Variants in INPPL1 observed in about 807,000 individuals in gnomAD.
INPPL1 encodes the protein inositol polyphosphate phosphatase like 1.
Under a neutral mutation model 139.3 loss-of-function variants are expected in INPPL1, and 91 were observed. That is an observed-to-expected ratio of 0.65 (90% CI 0.55 to 0.78). The LOEUF (loss-of-function observed/expected upper bound fraction) is 0.78, where lower values mean the gene tolerates loss of function less well. Ranked by LOEUF, INPPL1 falls within the 30% of genes least tolerant of loss-of-function variation. The pLI is 0.00. For missense variants in INPPL1, 1,411 were observed against 1,665.6 expected, an observed-to-expected ratio of 0.85 and a Z score of 2.66; for synonymous variants, 719 against 686.6, an observed-to-expected ratio of 1.05 and a Z score of -0.74.
Position 72,237,689 on chromosome 11 carries a change from C to T in INPPL1, c.3445C>T (p.Pro1149Ser), listed in dbSNP as rs1459747617. The T allele has an allele frequency of 6.2e-7, 1 of 1,612,036 alleles. No individual in the cohort carries two copies. Among genetic ancestry groups the T allele is most frequent in the Non-Finnish European group, 8.5e-7 (1 of 1,179,576 alleles). Residue 1149 changes from proline to serine, a missense_variant, in exon 26 of 28, where the codon CCC becomes TCC. Physicochemically the swap from Pro to Ser is moderately conservative, Grantham distance 74 (BLOSUM62 -1). This residue lies in a region of INPPL1 where 438 missense variants were observed against 425.7 expected (regional missense o/e 1.03). Coordinates refer to ENST00000298229, the MANE Select transcript of INPPL1 (RefSeq NM_001567.4). ...TGCACGCTCAGCGCTCCTCCCAGGCCCCCTGGAGCTGCAGCCCCCCCGGGG... is the reference window on the plus strand; with the variant it reads ...TGCACGCTCAGCGCTCCTCCCAGGCTCCCTGGAGCTGCAGCCCCCCCGGGG... ...GPARSALLPG[P>S]LELQPPRGLP...
chr11:72,229,340 C>T, intron 5 of INPPL1, 110 bp downstream of exon 5: 1 of 1,409,504 alleles, frequency 7.1e-7, no homozygotes, highest in Non-Finnish European at 9.9e-7. Flanking sequence ...GTGAACTAGC[C>T]ATTGCCTCTT....
intron 15 of INPPL1, 38 bp from the exon 16 acceptor site, chr11:72,232,837 C>T (rs778975324): frequency 7.3e-5 from 118 of 1,613,438 alleles, no homozygotes; most frequent in Middle Eastern, 1.6e-4. Context: ...GCTCTGGCTC[C>T]GGAGGAATGT....
intron 1 of INPPL1, among the ~76,000 whole-genome samples, chr11:72,226,108 ACCTT>A: frequency 6.7e-6 from 1 of 149,684 alleles, no homozygotes; most frequent in East Asian, 2.0e-4. Context: ...GTCCCACTGT[ACCTT>A]CCTTACCCCT....
chr11:72,225,230 G>A, intron 1 of INPPL1, 64 bp downstream of exon 1: 1 of 1,226,464 alleles, frequency 8.2e-7, no homozygotes, highest in Non-Finnish European at 1.0e-6. Flanking sequence ...GGCCGGGTGT[G>A]GAAAGGGCCC....
chr11:72,228,478 C>T lies in INPPL1; in HGVS notation c.377C>T (p.Pro126Leu), dbSNP rs528612645. 27 of 1,608,360 alleles carry T rather than the reference C, an allele frequency of 1.7e-5. No homozygotes were observed. The highest frequency in any genetic ancestry group is 2.1e-4 in the Middle Eastern group (1 of 4,852). ...PVEGEREPDP[P>L]DDRDASDGED... ...GAGGGTGAGCGAGAGCCGGACCCAC[C>T]GGATGACCGGGATGCCTCAGGTACT... Residue 126 changes from proline to leucine, a missense_variant, in exon 3 of 28, where the codon CCG becomes CTG. Pro to Leu is a moderately conservative substitution (Grantham distance 98). This residue lies in a region of INPPL1 where 504 missense variants were observed against 595.6 expected (regional missense o/e 0.85). Transcript: ENST00000298229. The surrounding 1 kb of genome is among the most constrained non-coding windows in gnomAD (Gnocchi z 5.0).
chr11:72,232,836 C>G, intron 15 of INPPL1, 39 bp from the exon 16 acceptor site: 1 of 1,613,624 alleles, frequency 6.2e-7, no homozygotes, highest in Non-Finnish European at 8.5e-7. Flanking sequence ...GGCTCTGGCT[C>G]CGGAGGAATG....
rs1469431499 is a variant in INPPL1 at position 72,232,251 on chromosome 11, G to A, written c.1627G>A (p.Ala543Thr). 2 of 1,555,310 alleles carry A rather than the reference G, an allele frequency of 1.3e-6. No individual in the cohort carries two copies. The highest frequency in any genetic ancestry group is 1.4e-5 in the African/African-American group (1 of 73,410). ...GIANTLGNKG[A>T]VGVSFMFNGT... ...GCTTGCCTTAACAGGGAACAAGGGG[G>A]CTGTGGGCGTCTCCTTCATGTTTAA... The change falls in exon 14 of 28, where the codon GCT (alanine) becomes ACT (threonine). Residue 543 changes from alanine (A) to threonine (T), a missense_variant. By Grantham distance (58) the Ala-to-Thr change is moderately conservative (BLOSUM62 0). Coordinates refer to ENST00000298229, the MANE Select transcript of INPPL1 (RefSeq NM_001567.4).
chr11:72,223,788 C>G (rs1050770453), upstream of INPPL1: 4 of 150,782 alleles, frequency 2.7e-5, no homozygotes, highest in African/African-American at 9.7e-5. Flanking sequence ...GCTCCGGGAC[C>G]GAGGCGCGGG....
chr11:72,230,667 G>A lies in INPPL1; in HGVS notation c.1198-129G>A, dbSNP rs1485513650. The A allele has an allele frequency of 4.7e-6, 4 of 853,770 alleles. No individual in the cohort carries two copies. The African/African-American group carries it at 6.7e-5, about 14-fold the overall frequency. The allele number at this position is 853,770 out of a possible 1,614,324, so 52.9% of individuals were successfully genotyped here. On this transcript the variant is annotated intron_variant, in intron 10 of 27. Transcript: ENST00000298229. ...TTTGCCAGCACTGTTATATGCTTGA[G>A]CAGTGGGTATGCAGTGGAGAACCAG...
rs768205979 is a variant in INPPL1 at position 72,233,441 on chromosome 11, G to C, written c.2041G>C (p.Val681Leu). 2 of 1,613,992 alleles carry C rather than the reference G, an allele frequency of 1.2e-6. No homozygotes were observed. Among genetic ancestry groups the C allele is most frequent in the Non-Finnish European group, 1.7e-6 (2 of 1,179,938 alleles). The change falls in exon 18 of 28, where the codon GTC (valine) becomes CTC (leucine). Residue 681 changes from valine (V) to leucine (L), a missense_variant and splice_region_variant. Physicochemically the swap from Val to Leu is conservative, Grantham distance 32. This residue lies in a region of INPPL1 where 363 missense variants were observed against 446.2 expected (regional missense o/e 0.81). Transcript: ENST00000298229. ...YAWHKQKPTG[V>L]RTNVPSWCDR... ...ACCATGCTGCCATCCCCTGCCCCAG[G>C]TCCGGACCAATGTGCCCTCATGGTG...
chr11:72,231,230 A>G (rs1315467678), intron 12 of INPPL1, 41 bp downstream of exon 12: 1 of 1,560,582 alleles, frequency 6.4e-7, no homozygotes, highest in Admixed American at 1.8e-5. Flanking sequence ...GTCCTCACAC[A>G]CCACCTCCAA....
intron 10 of INPPL1, 140 bp downstream of exon 10, chr11:72,230,608 G>T (rs919516208): frequency 2.2e-6 from 2 of 920,502 alleles, no homozygotes; most frequent in African/African-American, 3.3e-5. Context: ...AGGGTAGAGG[G>T]TGTTGAGAAC....
At chr11:72,231,278 C>G in intron 12 of INPPL1, 89 bp downstream of exon 12, 1 of 1,285,612 alleles carries the variant, frequency 7.8e-7, no homozygotes, top group Non-Finnish European at 1.1e-6. Flanking sequence ...CCTGGGAGCA[C>G]AGCTTCACTG....
Position 72,231,209 on chromosome 11 carries a change from T to C in INPPL1, c.1497+20T>C, listed in dbSNP as rs912896584. Reference sequence around the variant, plus strand: ...CGCCCGGTGAGGGGGGGTCATCTTGTCCAGGACCCTGTCCTCACACACCAC... The same window carrying C: ...CGCCCGGTGAGGGGGGGTCATCTTGCCCAGGACCCTGTCCTCACACACCAC... On this transcript the variant is annotated intron_variant, in intron 12 of 27. Transcript: ENST00000298229. 1 of 1,598,322 alleles carries C rather than the reference T, an allele frequency of 6.3e-7. No individual in the cohort carries two copies. The highest frequency in any genetic ancestry group is 8.5e-7 in the Non-Finnish European group (1 of 1,174,050).
At chr11:72,237,929 CAT>C (rs1417039747) in intron 26 of INPPL1, 111 bp from the exon 27 acceptor site, 1 of 1,443,614 alleles carries the variant, frequency 6.9e-7, no homozygotes, top group African/African-American at 1.4e-5. Context: ...TTGGGAGACA[CAT>C]GTATCAGCCC....
chr11:72,231,551 G>A lies in INPPL1; in HGVS notation c.1551G>A (p.Glu517=), dbSNP rs1161538655. 2 of 1,613,920 alleles carry A rather than the reference G, an allele frequency of 1.2e-6. No individual in the cohort carries two copies. The highest frequency in any genetic ancestry group is 1.7e-6 in the Non-Finnish European group (2 of 1,180,044). The change falls in exon 13 of 28, where the codon GAG becomes GAA. Residue 517 remains glutamate, a synonymous_variant. Transcript: ENST00000298229. ...NIKVAVLVKP[E]HENRISHVST... is the part of the protein sequence containing the mutation. ...AGGTGGCAGTGCTGGTCAAGCCAGAGCACGAGAACCGTATCAGCCATGTCA... is the reference window on the plus strand; with the variant it reads ...AGGTGGCAGTGCTGGTCAAGCCAGAACACGAGAACCGTATCAGCCATGTCA...
chr11:72,224,219 T>C (rs1948599751), upstream of INPPL1, among the ~76,000 whole-genome samples: 1 of 151,476 alleles, frequency 6.6e-6, no homozygotes, highest in Non-Finnish European at 1.5e-5. Flanking sequence ...AGCCAGGGAA[T>C]CTCCCCGCAG....
Position 72,235,361 on chromosome 11 carries a change from T to C in INPPL1, c.2569T>C (p.Ser857Pro). 1 of 1,613,972 alleles carries C rather than the reference T, an allele frequency of 6.2e-7. No individual in the cohort carries two copies. The highest frequency in any genetic ancestry group is 8.5e-7 in the Non-Finnish European group (1 of 1,179,996). The change falls in exon 23 of 28, where the codon TCC becomes CCC. Residue 857 changes from serine (S) to proline (P), a missense_variant. Ser to Pro is a moderately conservative substitution (Grantham distance 74). This residue lies in a region of INPPL1 where 99 missense variants were observed against 171.6 expected (regional missense o/e 0.58). Coordinates refer to ENST00000298229, the MANE Select transcript of INPPL1 (RefSeq NM_001567.4). The surrounding 1 kb of genome is among the most constrained non-coding windows in gnomAD (Gnocchi z 4.9). The part of the protein sequence containing the change: ...STAQQFLTFL[S>P]HRGEETGNIR... ...GGCCCAACAGTTCCTGACCTTCCTA[T>C]CCCACCGTGGCGAGGAGACAGGCAA...
intron 11 of INPPL1, 25 bp downstream of exon 11, chr11:72,230,923 C>G: frequency 6.2e-7 from 1 of 1,612,976 alleles, no homozygotes. Context: ...GGGGCTGGGG[C>G]GGGAGAGAGG....
Sources: allele counts gnomAD v4.1 joint callset (sites outside exome capture counted in the v4.1 genomes callset), GRCh38; gene constraint gnomAD v4.1.1; regional missense constraint gnomAD v4.1.1; non-coding constraint Gnocchi (gnomAD v3.1); transcripts MANE v1.5; gene names NCBI Gene and HGNC (gene_info 2026-07-23, HGNC 2026-07-21).